PDZRN4: variants seen among roughly 807,000 people sequenced by gnomAD.
The protein encoded by PDZRN4 is PDZ domain containing ring finger 4, also known as PDZ domain-containing RING finger protein 4.
PDZRN4 carries 70 observed loss-of-function variants against 99.0 expected under a neutral mutation model. That is an observed-to-expected ratio of 0.71 (90% CI 0.58 to 0.86). The LOEUF (loss-of-function observed/expected upper bound fraction) is 0.86. PDZRN4 is among the 40% of genes least tolerant of loss of function. The pLI is 0.00. For synonymous variants in PDZRN4, 551 were observed against 501.6 expected (o/e 1.10, Z -1.32); for missense variants, 1,474 against 1,331.2 (o/e 1.11, Z -1.67).
intron 3 of PDZRN4, among the ~76,000 whole-genome samples, chr12:41,452,370 T>C (rs999355423): frequency 2.1e-5 from 3 of 145,612 alleles, no homozygotes; most frequent in African/African-American, 7.7e-5. Context: ...ACCTGGGAGG[T>C]GGAGCTTGCA....
intron 3 of PDZRN4, among the ~76,000 whole-genome samples, chr12:41,427,510 G>T (rs1360291506): frequency 6.6e-6 from 1 of 151,980 alleles, no homozygotes; most frequent in African/African-American, 2.4e-5. Context: ...TTAGAGTGAG[G>T]CTCAAATATA....
intron 3 of PDZRN4, among the ~76,000 whole-genome samples, chr12:41,326,494 A>T (rs1368386245): frequency 1.3e-5 from 2 of 152,194 alleles, no homozygotes; most frequent in East Asian, 3.8e-4. Flanking sequence ...TTCCATGTGG[A>T]TATCAGGTGG....
At chr12:41,237,078 G>A (rs1217963841) in intron 3 of PDZRN4, among the ~76,000 whole-genome samples, 1 of 152,138 alleles carries the variant, frequency 6.6e-6, no homozygotes, top group South Asian at 2.1e-4. Context: ...AAACTAACTT[G>A]CATCACTGGA....
At chr12:41,551,295 G>A (rs949070574) in intron 5 of PDZRN4, among the ~76,000 whole-genome samples, 3 of 151,956 alleles carry the variant, frequency 2.0e-5, no homozygotes, top group Admixed American at 6.6e-5. Flanking sequence ...CAGTTCTTAC[G>A]ACCTACCAAA....
chr12:41,326,967 G>A (rs971831604), intron 3 of PDZRN4, among the ~76,000 whole-genome samples: 1 of 152,112 alleles, frequency 6.6e-6, no homozygotes, highest in African/African-American at 2.4e-5. Flanking sequence ...CCGAATGTCT[G>A]AACTGAATTA....
At chr12:41,194,218 C>A in intron 3 of PDZRN4, 30 bp downstream of exon 3, 1 of 972,226 alleles carries the variant, frequency 1.0e-6, no homozygotes, top group Non-Finnish European at 1.6e-6. Context: ...TGTATATGAT[C>A]CATGCAAGAA....
At chr12:41,359,083 G>A (rs988554282) in intron 3 of PDZRN4, among the ~76,000 whole-genome samples, 1 of 151,988 alleles carries the variant, frequency 6.6e-6, no homozygotes, top group African/African-American at 2.4e-5. Flanking sequence ...GTGACTTACC[G>A]CAAGTCTTTC....
At chr12:41,257,834 C>T (rs1035194092) in intron 3 of PDZRN4, among the ~76,000 whole-genome samples, 1 of 152,060 alleles carries the variant, frequency 6.6e-6, no homozygotes, top group African/African-American at 2.4e-5. Flanking sequence ...ATTTGTCTTC[C>T]TATGAGTGGG....
At chr12:41,548,387 T>G (rs1432163679) in intron 5 of PDZRN4, among the ~76,000 whole-genome samples, 2 of 152,238 alleles carry the variant, frequency 1.3e-5, no homozygotes, top group Non-Finnish European at 2.9e-5. Flanking sequence ...TTTCACTAGT[T>G]GCTAATCAAC....
At chr12:41,189,505 C>T (rs1359877050) in intron 1 of PDZRN4, among the ~76,000 whole-genome samples, 1 of 152,108 alleles carries the variant, frequency 6.6e-6, no homozygotes, top group East Asian at 1.9e-4. Context: ...GAAGACTTTC[C>T]CGGCCCAGCC....
intron 1 of PDZRN4, 110 bp downstream of exon 1, chr12:41,189,213 T>G (rs1171700353): frequency 9.8e-7 from 1 of 1,023,852 alleles, no homozygotes; most frequent in Non-Finnish European, 1.4e-6. Flanking sequence ...TTCCTCACTA[T>G]GCAGCAGGAA....
intron 8 of PDZRN4, among the ~76,000 whole-genome samples, 179 bp from the exon 9 acceptor site, chr12:41,567,604 C>CTTTTT (rs34848026): frequency 1.4e-5 from 2 of 144,396 alleles, no homozygotes; most frequent in African/African-American, 5.1e-5. Flanking sequence ...CATAAGAGTC[C>CTTTTT]TTTTTTTTTT....
intron 3 of PDZRN4, among the ~76,000 whole-genome samples, chr12:41,360,057 A>C (rs1951954031): frequency 6.6e-6 from 1 of 152,010 alleles, no homozygotes. Context: ...CAATGTGACA[A>C]TTATAATACA....
chr12:41,271,178 A>G (rs1951312191), intron 3 of PDZRN4, among the ~76,000 whole-genome samples: 1 of 151,852 alleles, frequency 6.6e-6, no homozygotes, highest in African/African-American at 2.4e-5. Flanking sequence ...GACTGTATCT[A>G]GAGATTTTAA....
chr12:41,538,706 C>A (rs1426070529), intron 5 of PDZRN4, among the ~76,000 whole-genome samples: 1 of 151,988 alleles, frequency 6.6e-6, no homozygotes, highest in African/African-American at 2.4e-5. Flanking sequence ...ATAAATTAAA[C>A]ATTAAAATTA....
At chr12:41,327,759 A>T (rs1565552972) in intron 3 of PDZRN4, among the ~76,000 whole-genome samples, 1 of 152,096 alleles carries the variant, frequency 6.6e-6, no homozygotes, top group Non-Finnish European at 1.5e-5. Flanking sequence ...TTTAACTGGG[A>T]TATAAAATAA....
intron 3 of PDZRN4, among the ~76,000 whole-genome samples, chr12:41,250,124 C>A (rs928741651): frequency 2.6e-5 from 4 of 152,126 alleles, no homozygotes; most frequent in East Asian, 1.9e-4. Flanking sequence ...TCAGACATAT[C>A]ATTGTAAATG....
chr12:41,230,598 G>A (rs1951022279), intron 3 of PDZRN4, among the ~76,000 whole-genome samples: 1 of 151,954 alleles, frequency 6.6e-6, no homozygotes, highest in African/African-American at 2.4e-5. Context: ...AAATAAGGAT[G>A]GCCTGTTTTA....
intron 3 of PDZRN4, among the ~76,000 whole-genome samples, chr12:41,267,363 A>C (rs1951285020): frequency 6.6e-6 from 1 of 152,212 alleles, no homozygotes; most frequent in Non-Finnish European, 1.5e-5. Flanking sequence ...TGGAGCTGGC[A>C]TGTTACTTTA....
Sources: gnomAD v4.1 joint callset for allele counts (sites outside exome capture counted in the v4.1 genomes callset) on GRCh38, gnomAD v4.1.1 for gene constraint, MANE v1.5 for transcripts, NCBI Gene and HGNC (gene_info 2026-07-23, HGNC 2026-07-21) for gene names.